The following ATE1 variants were observed in gnomAD, a reference collection of about 807,000 sequenced individuals.
ATE1 encodes arginyl-tRNA--protein transferase 1.
ATE1 carries 36 observed loss-of-function variants against 70.5 expected under a neutral mutation model. That is an observed-to-expected ratio of 0.51 (90% CI 0.39 to 0.67). The LOEUF (loss-of-function observed/expected upper bound fraction) is 0.67. Ranked by LOEUF, ATE1 falls within the 30% of genes least tolerant of loss-of-function variation. ATE1 has a pLI of 0.00. For missense variants in ATE1, 593 were observed against 629.5 expected, an observed-to-expected ratio of 0.94 and a Z score of 0.62; for synonymous variants, 232 against 219.3, an observed-to-expected ratio of 1.06 and a Z score of -0.51.
chr10:121,925,279 G>C (rs566252783), intron 1 of ATE1, among the ~76,000 whole-genome samples: 18 of 152,106 alleles, frequency 1.2e-4, no homozygotes, highest in African/African-American at 4.3e-4. Context: ...AATTAGCCGG[G>C]AATGGTGGCA....
At chr10:121,828,662 A>T (rs1200277165) in intron 10 of ATE1, among the ~76,000 whole-genome samples, 5 of 152,210 alleles carry the variant, frequency 3.3e-5, no homozygotes, top group Non-Finnish European at 5.9e-5. Flanking sequence ...AAAACAGCCT[A>T]GACTGCTGAT....
rs1424562722 is a variant in ATE1 at position 121,926,692 on chromosome 10, A to G, written c.106+1152T>C. The G allele has an allele frequency of 3.1e-6, 3 of 981,460 alleles. No homozygotes were observed. The African/African-American group carries it at 5.2e-5, about 17-fold the overall frequency. 60.8% of individuals were successfully genotyped at this position (981,460 alleles called of 1,614,324 possible). ...ATAGCCAAAATACAAAAATTCTGAAAAAGAGAAGGTAGAAATCCACAATAC... is the reference window on the plus strand; with the variant it reads ...ATAGCCAAAATACAAAAATTCTGAAGAAGAGAAGGTAGAAATCCACAATAC... On this transcript the variant is annotated intron_variant, in intron 1 of 11. Transcript: ENST00000224652.
rs1950441769 is a variant in ATE1, at chr10:121,887,507, C to T, written c.942+12359G>A. ...GGAGGATCAGGTGATGCCAGGTGAC[C>T]AGCCTGGACAACACAGCAAGACGCC... On this transcript the variant is annotated intron_variant, in intron 7 of 11. Transcript: ENST00000224652. 4.0e-5 allele frequency among the ~76,000 whole-genome samples: 6 copies of T among 149,724 alleles called. No individual in the cohort carries two copies. In the South Asian group the frequency reaches 1.3e-3, roughly 32 times the overall value.
At chr10:121,823,528 G>C (rs1947885792) in intron 10 of ATE1, among the ~76,000 whole-genome samples, 1 of 152,182 alleles carries the variant, frequency 6.6e-6, no homozygotes. Flanking sequence ...CACAGAGCTT[G>C]GAGGCAGAAA....
intron 5 of ATE1, among the ~76,000 whole-genome samples, chr10:121,908,919 T>C (rs923799542): frequency 9.9e-5 from 15 of 152,156 alleles, no homozygotes; most frequent in Non-Finnish European, 2.9e-5. Context: ...ATACAGAAAG[T>C]GGAACAAACA....
chr10:121,902,171 T>A (rs1235802267), intron 6 of ATE1, among the ~76,000 whole-genome samples: 2 of 152,180 alleles, frequency 1.3e-5, no homozygotes, highest in Admixed American at 6.6e-5. Flanking sequence ...GCCAACTATG[T>A]ATTCTCAAAA....
chr10:121,870,094 A>C, intron 7 of ATE1, 56 bp from the exon 8 acceptor site: 2 of 1,526,816 alleles, frequency 1.3e-6, no homozygotes, highest in Middle Eastern at 1.7e-4. Flanking sequence ...GGCAAAAAGG[A>C]ACACAGAGAA....
intron 11 of ATE1, among the ~76,000 whole-genome samples, chr10:121,778,255 G>GGTAT (rs1373160233): frequency 6.6e-6 from 1 of 152,040 alleles, no homozygotes; most frequent in Non-Finnish European, 1.5e-5. Context: ...CTTTTAGTGG[G>GGTAT]GTATGAAATC....
intron 7 of ATE1, among the ~76,000 whole-genome samples, chr10:121,896,002 T>C (rs1249253465): frequency 6.6e-6 from 1 of 152,204 alleles, no homozygotes; most frequent in Non-Finnish European, 1.5e-5. Flanking sequence ...ACTGTAGTTA[T>C]ATATTTTTTG....
chr10:121,789,247 G>A (rs1946333343), intron 11 of ATE1, among the ~76,000 whole-genome samples: 1 of 147,860 alleles, frequency 6.8e-6, no homozygotes, highest in Admixed American at 6.8e-5. Context: ...TTTACCAGCT[G>A]ATCATGAAGC....
chr10:121,818,016 C>T (rs1309230169), intron 10 of ATE1, among the ~76,000 whole-genome samples: 1 of 152,008 alleles, frequency 6.6e-6, no homozygotes, highest in Non-Finnish European at 1.5e-5. Context: ...TAAGGCTGGG[C>T]ACAGTGGCTT....
intron 10 of ATE1, among the ~76,000 whole-genome samples, chr10:121,813,709 A>C (rs1276103364): frequency 6.6e-6 from 1 of 152,164 alleles, no homozygotes; most frequent in African/African-American, 2.4e-5. Context: ...AAGAACTGGC[A>C]AGCAGGTGGA....
intron 11 of ATE1, among the ~76,000 whole-genome samples, chr10:121,773,318 G>A (rs979069860): frequency 1.3e-5 from 2 of 152,134 alleles, no homozygotes; most frequent in South Asian, 2.1e-4. Context: ...ATATTAAAAC[G>A]CTCTTCTTGT....
chr10:121,825,768 G>A (rs1947982891), intron 10 of ATE1, among the ~76,000 whole-genome samples: 1 of 152,180 alleles, frequency 6.6e-6, no homozygotes, highest in Non-Finnish European at 1.5e-5. Context: ...GGAACACAGG[G>A]TGGCAGTTCC....
At chr10:121,783,236 G>C (rs906385613) in intron 11 of ATE1, among the ~76,000 whole-genome samples, 12 of 151,962 alleles carry the variant, frequency 7.9e-5, no homozygotes, top group African/African-American at 2.7e-4. Context: ...ATTATCACTA[G>C]TCAATAGTGG....
intron 11 of ATE1, among the ~76,000 whole-genome samples, chr10:121,758,663 C>T (rs185623502): frequency 3.3e-4 from 50 of 152,180 alleles, no homozygotes; most frequent in Admixed American, 2.7e-3. Context: ...TTTGTTTTTA[C>T]AAATTAAAGA....
intron 1 of ATE1, among the ~76,000 whole-genome samples, chr10:121,926,474 G>C (rs1021999539): frequency 1.3e-5 from 2 of 152,090 alleles, no homozygotes; most frequent in African/African-American, 4.8e-5. Flanking sequence ...TTAAAATCGA[G>C]ATACTAGAAA....
chr10:121,860,138 C>T (rs1357462655), intron 8 of ATE1, among the ~76,000 whole-genome samples: 3 of 152,108 alleles, frequency 2.0e-5, no homozygotes, highest in African/African-American at 4.8e-5. Flanking sequence ...CGCTATAATA[C>T]GTGTTGACAT....
intron 8 of ATE1, among the ~76,000 whole-genome samples, chr10:121,853,272 G>A (rs1239848388): frequency 6.7e-5 from 10 of 149,540 alleles, no homozygotes; most frequent in Non-Finnish European, 3.0e-5. Context: ...GCTGAGGCAG[G>A]AGAATGGCGT....
Sources: allele counts gnomAD v4.1 joint callset (sites outside exome capture counted in the v4.1 genomes callset), GRCh38; gene constraint gnomAD v4.1.1; transcripts MANE v1.5; gene names NCBI Gene and HGNC (gene_info 2026-07-23, HGNC 2026-07-21).